ATP2C2: variants seen among roughly 807,000 people sequenced by gnomAD.
ATP2C2 encodes calcium-transporting ATPase type 2C member 2.
In ATP2C2, 171 loss-of-function variants were observed where a neutral mutation model predicts 110.8. The observed-to-expected ratio is 1.54, with a 90% CI of 1.36 to 1.75. The LOEUF (loss-of-function observed/expected upper bound fraction) is 1.75. ATP2C2 is among the 40% of genes most tolerant of loss of function. The probability of loss-of-function intolerance (pLI) is 0.00; values close to 1 mark genes in which losing one functional copy is unlikely to be tolerated. For synonymous variants in ATP2C2, 804 were observed against 508.4 expected (o/e 1.58, Z -7.82); for missense variants, 1,963 against 1,235.0 (o/e 1.59, Z -8.84).
At chr16:84,434,880 CA>C (rs1908601287) in intron 11 of ATP2C2, among the ~76,000 whole-genome samples, 1 of 152,198 alleles carries the variant, frequency 6.6e-6, no homozygotes, top group African/African-American at 2.4e-5. Flanking sequence ...CCAAGTAATA[CA>C]AAGATGCCCT....
intron 24 of ATP2C2, 77 bp downstream of exon 24, chr16:84,460,878 C>T (rs1911257160): frequency 3.3e-6 from 5 of 1,499,756 alleles, no homozygotes; most frequent in Non-Finnish European, 4.5e-6. Flanking sequence ...CCCTGCCCTC[C>T]TGCCACAGCT....
Position 84,463,766 on chromosome 16 carries a change from C to G in ATP2C2, c.*34C>G, listed in dbSNP as rs761884374. 8 of 1,559,292 alleles carry G rather than the reference C, an allele frequency of 5.1e-6. 1 individual carries two copies. The highest frequency in any genetic ancestry group is 4.4e-5 in the South Asian group (4 of 89,972). Reference sequence around the variant, plus strand: ...ACTCCGCGGCACCTTCCCTAATCATCTCGATCTGGTTGTGACTGTGGCCCC... The same window carrying G: ...ACTCCGCGGCACCTTCCCTAATCATGTCGATCTGGTTGTGACTGTGGCCCC... On this transcript the variant is annotated 3_prime_UTR_variant, in exon 27 of 27. Transcript: ENST00000262429.
At chr16:84,461,104 C>T (rs140638079) in intron 24 of ATP2C2, 8 of 385,116 alleles carry the variant, frequency 2.1e-5, no homozygotes, top group Non-Finnish European at 2.8e-5. Flanking sequence ...TCCCTTGTCA[C>T]CAGGAAACAA....
intron 11 of ATP2C2, among the ~76,000 whole-genome samples, chr16:84,435,470 C>G (rs972942966): frequency 2.6e-5 from 4 of 152,214 alleles, no homozygotes; most frequent in African/African-American, 9.6e-5. Flanking sequence ...CCCCCTTCTT[C>G]ATGCAGCAAA....
intron 20 of ATP2C2, among the ~76,000 whole-genome samples, chr16:84,453,808 GGAAA>G (rs1910542111): frequency 6.6e-6 from 1 of 152,098 alleles, no homozygotes; most frequent in Admixed American, 6.6e-5. Flanking sequence ...TAACGTAGAG[GGAAA>G]AACTAAAAGA....
intron 7 of ATP2C2, 115 bp downstream of exon 7, chr16:84,415,706 C>A: frequency 1.3e-6 from 1 of 755,180 alleles, no homozygotes; most frequent in East Asian, 2.7e-5. Context: ...CTCAAACATA[C>A]ATGCACATGC....
chr16:84,383,325 C>G, intron 1 of ATP2C2, among the ~76,000 whole-genome samples: 1 of 152,218 alleles, frequency 6.6e-6, no homozygotes, highest in South Asian at 2.1e-4. Flanking sequence ...TTGGGCAAAG[C>G]TCTCAAATCC....
At chr16:84,452,200 C>G in intron 18 of ATP2C2, 109 bp downstream of exon 18, 3 of 1,343,274 alleles carry the variant, frequency 2.2e-6, no homozygotes, top group Admixed American at 2.3e-5. Flanking sequence ...AGTGCTCACG[C>G]CTAGCCCTAC....
intron 6 of ATP2C2, among the ~76,000 whole-genome samples, chr16:84,412,547 CGTGTGTGTGTGT>C (rs58494870): frequency 0.49 from 72,921 of 149,566 alleles, 18,406 homozygotes; most frequent in Non-Finnish European, 0.56. Flanking sequence ...TGTGTGTATG[CGTGTGTGTGTGT>C]GTGTGTGTGT....
intron 21 of ATP2C2, among the ~76,000 whole-genome samples, chr16:84,458,393 C>G (rs1310436232): frequency 7.3e-6 from 1 of 136,734 alleles, no homozygotes. Flanking sequence ...ATACCTAATG[C>G]TAGATGACAC....
intron 23 of ATP2C2, 56 bp downstream of exon 23, chr16:84,459,442 TC>T: frequency 6.2e-7 from 1 of 1,604,120 alleles, no homozygotes; most frequent in Non-Finnish European, 8.5e-7. Context: ...CGGGGCTTCC[TC>T]CAGGGGCTGC....
At chr16:84,384,243 G>T (rs1904293633) in intron 1 of ATP2C2, among the ~76,000 whole-genome samples, 1 of 152,222 alleles carries the variant, frequency 6.6e-6, no homozygotes, top group South Asian at 2.1e-4. Flanking sequence ...ACGTCCCTCT[G>T]TTTCTCCTTC....
chr16:84,461,940 C>G (rs544898791), intron 25 of ATP2C2, 48 bp from the exon 26 acceptor site: 2 of 1,608,892 alleles, frequency 1.2e-6, no homozygotes, highest in African/African-American at 1.3e-5. Context: ...CTGCCTGTAC[C>G]TGGGGTGTGG....
chr16:84,388,618 T>C (rs550430250), intron 1 of ATP2C2, among the ~76,000 whole-genome samples: 2 of 152,308 alleles, frequency 1.3e-5, no homozygotes, highest in East Asian at 1.9e-4. Context: ...GTGTGGCTTA[T>C]TTGGGTGTGT....
intron 2 of ATP2C2, among the ~76,000 whole-genome samples, chr16:84,402,367 AG>A (rs1263913552): frequency 6.6e-6 from 1 of 152,184 alleles, no homozygotes; most frequent in Non-Finnish European, 1.5e-5. Context: ...GTTGAATAGT[AG>A]TGGTAAAAGT....
intron 1 of ATP2C2, among the ~76,000 whole-genome samples, chr16:84,397,183 C>A (rs991251773): frequency 6.6e-6 from 1 of 151,884 alleles, no homozygotes; most frequent in African/African-American, 2.4e-5. Flanking sequence ...ATTAGCAAAG[C>A]CTCCCGAAGC....
chr16:84,397,957 C>T lies in ATP2C2; in HGVS notation c.100-542C>T, dbSNP rs1252478835. 4.0e-5 allele frequency among the ~76,000 whole-genome samples: 6 copies of T among 151,868 alleles called. No individual in the cohort carries two copies. The South Asian group carries it at 8.3e-4, about 21-fold the overall frequency. Reference sequence around the variant, plus strand: ...CAACCTAATCTATGAGGATTGAAACCATGACAGCAGTTACCCCTCAGGTAG... The same window carrying T: ...CAACCTAATCTATGAGGATTGAAACTATGACAGCAGTTACCCCTCAGGTAG... On this transcript the variant is annotated intron_variant, in intron 1 of 26. Transcript: ENST00000262429.
At chr16:84,436,732 C>G (rs1474722468) in intron 11 of ATP2C2, among the ~76,000 whole-genome samples, 1 of 151,088 alleles carries the variant, frequency 6.6e-6, no homozygotes, top group Non-Finnish European at 1.5e-5. Context: ...CTCAAAATCT[C>G]TCCTCCCCCT....
intron 6 of ATP2C2, among the ~76,000 whole-genome samples, chr16:84,412,377 T>TGC (rs1265978478): frequency 9.2e-6 from 1 of 109,078 alleles, no homozygotes; most frequent in Non-Finnish European, 2.2e-5. Context: ...TGTGTGTGCG[T>TGC]GTGTGTATAT....
Sources: allele counts gnomAD v4.1 joint callset (sites outside exome capture counted in the v4.1 genomes callset), GRCh38; gene constraint gnomAD v4.1.1; transcripts MANE v1.5; gene names NCBI Gene and HGNC (gene_info 2026-07-23, HGNC 2026-07-21).